Variants in CEP112 observed in about 807,000 individuals in gnomAD.
The protein encoded by CEP112 is centrosomal protein 112.
In CEP112, 127 loss-of-function variants were observed where a neutral mutation model predicts 153.0. The observed-to-expected ratio is 0.83, with a 90% confidence interval of 0.72 to 0.96. The LOEUF (loss-of-function observed/expected upper bound fraction) is 0.96, where lower values mean the gene tolerates loss of function less well. Ranked by LOEUF, CEP112 falls within the 40% of genes least tolerant of loss-of-function variation. The pLI is 0.00. For synonymous variants in CEP112, 358 were observed against 374.4 expected, an observed-to-expected ratio of 0.96 and a Z score of 0.51; for missense variants, 1,089 against 1,101.2, an observed-to-expected ratio of 0.99 and a Z score of 0.16.
intron 19 of CEP112, among the ~76,000 whole-genome samples, chr17:65,910,755 T>C (rs1410137696): frequency 6.6e-6 from 1 of 152,168 alleles, no homozygotes; most frequent in African/African-American, 2.4e-5. Context: ...AAAATCCATG[T>C]AAACACAGAC....
At chr17:65,995,873 G>A (rs1281863862) in intron 17 of CEP112, among the ~76,000 whole-genome samples, 1 of 152,070 alleles carries the variant, frequency 6.6e-6, no homozygotes. Context: ...TGGTTTACAA[G>A]GGAAAACTCC....
intron 16 of CEP112, among the ~76,000 whole-genome samples, chr17:66,020,632 A>G (rs935328611): frequency 6.6e-6 from 1 of 152,234 alleles, no homozygotes; most frequent in Non-Finnish European, 1.5e-5. Context: ...AATAGTTTAA[A>G]GGTTAACTTT....
At chr17:65,786,572 CTT>C (rs1195368604) in intron 21 of CEP112, among the ~76,000 whole-genome samples, 12 of 101,608 alleles carry the variant, frequency 1.2e-4, no homozygotes, top group South Asian at 3.4e-4. Context: ...TTAGCCAATT[CTT>C]TTTTTTTTTT....
chr17:65,694,266 A>G (rs2048258457), intron 23 of CEP112, among the ~76,000 whole-genome samples: 1 of 152,198 alleles, frequency 6.6e-6, no homozygotes, highest in Admixed American at 6.5e-5. Context: ...ATCTGGTGGA[A>G]GTCCAGATAG....
intron 11 of CEP112, among the ~76,000 whole-genome samples, chr17:66,054,255 A>G (rs1415529654): frequency 6.6e-6 from 1 of 152,176 alleles, no homozygotes; most frequent in Non-Finnish European, 1.5e-5. Context: ...ATATTGTCCC[A>G]TTGTCCCCAT....
At chr17:65,866,329 C>T (rs186588147) in intron 20 of CEP112, among the ~76,000 whole-genome samples, 3 of 152,362 alleles carry the variant, frequency 2.0e-5, no homozygotes, top group Non-Finnish European at 2.9e-5. Context: ...CCCCTCCAGA[C>T]TTTGGGCACC....
chr17:65,937,536 C>T (rs1337105447), intron 18 of CEP112, among the ~76,000 whole-genome samples: 10 of 120,290 alleles, frequency 8.3e-5, no homozygotes, highest in South Asian at 3.6e-4. Context: ...AGCCCCTCTG[C>T]CCGGCCAGCC....
chr17:65,685,200 G>A (rs1387516874), intron 24 of CEP112, among the ~76,000 whole-genome samples: 3 of 152,158 alleles, frequency 2.0e-5, no homozygotes, highest in African/African-American at 7.2e-5. Flanking sequence ...GTGGTGGACA[G>A]CAAAGATGCC....
chr17:66,129,947 TA>T, intron 5 of CEP112, 124 bp from the exon 6 acceptor site: 1 of 400,764 alleles, frequency 2.5e-6, no homozygotes, highest in Non-Finnish European at 4.2e-6. Context: ...AGGAAGGAAG[TA>T]AAAAAGGAAA....
rs941641746 is a variant in CEP112 at position 65,762,074 on chromosome 17, G to A, written c.2395-11350C>T. Among the ~76,000 whole-genome samples, 6 of 151,982 alleles carry A rather than the reference G, an allele frequency of 3.9e-5. No individual in the cohort carries two copies. In the East Asian group the frequency reaches 9.6e-4, roughly 24 times the overall value. On this transcript the variant is annotated intron_variant, in intron 21 of 26. Coordinates refer to ENST00000535342, the MANE Select transcript of CEP112 (RefSeq NM_001199165.4). ...TGCCTCACATAGTTTTTGTTTGTTC[G>A]TTTTTGGTTTTTTTGCCTCACGTAT...
At chr17:66,016,388 A>G (rs948730060) in intron 16 of CEP112, among the ~76,000 whole-genome samples, 3 of 152,134 alleles carry the variant, frequency 2.0e-5, no homozygotes, top group African/African-American at 7.2e-5. Context: ...CAGGGGCTGT[A>G]ACTGTGCTTC....
At position 65,892,271 on chromosome 17, in the gene CEP112, C is replaced by T. The variant is rs76278549; in HGVS notation, c.2163+9881G>A. ...TGAAGTTGAAAAAAGTTAATGTCTG[C>T]CTCATTTTTGGCCAGCAAACTTACA... On this transcript the variant is annotated intron_variant, in intron 20 of 26. Coordinates refer to ENST00000535342, the MANE Select transcript of CEP112 (RefSeq NM_001199165.4). Among the ~76,000 whole-genome samples the T allele has an allele frequency of 2.7e-3, 406 of 152,226 alleles. 2 individuals carry two copies. The highest frequency in any genetic ancestry group is 9.3e-3 in the African/African-American group (387 of 41,534).
intron 16 of CEP112, among the ~76,000 whole-genome samples, chr17:66,020,850 C>A (rs895552778): frequency 1.3e-5 from 2 of 152,048 alleles, no homozygotes; most frequent in Non-Finnish European, 2.9e-5. Context: ...GGACCAGAGG[C>A]CTTTCCAACG....
intron 12 of CEP112, among the ~76,000 whole-genome samples, chr17:66,033,020 C>T (rs754623059): frequency 6.7e-5 from 9 of 134,246 alleles, no homozygotes; most frequent in East Asian, 2.0e-4. Flanking sequence ...TAATCTGGCA[C>T]GAAAAAGAAG....
intron 23 of CEP112, among the ~76,000 whole-genome samples, chr17:65,704,427 A>ACG (rs1555622719): frequency 7.0e-6 from 1 of 141,924 alleles, no homozygotes. Context: ...AAATACACAC[A>ACG]CACACACACA....
intron 8 of CEP112, among the ~76,000 whole-genome samples, chr17:66,092,199 C>A (rs1266511098): frequency 6.6e-6 from 1 of 151,738 alleles, no homozygotes; most frequent in Non-Finnish European, 1.5e-5. Context: ...ACCACCACAC[C>A]CAACTAATTT....
At chr17:65,897,277 G>T (rs555003212) in intron 20 of CEP112, among the ~76,000 whole-genome samples, 1 of 152,158 alleles carries the variant, frequency 6.6e-6, no homozygotes, top group East Asian at 1.9e-4. Flanking sequence ...TACTACCTCA[G>T]GACCAAGCAA....
chr17:66,135,616 G>A (rs990102063), intron 4 of CEP112, among the ~76,000 whole-genome samples: 8 of 151,986 alleles, frequency 5.3e-5, no homozygotes, highest in Non-Finnish European at 7.4e-5. Flanking sequence ...AAACCAACAT[G>A]GAAAGAAAAA....
intron 16 of CEP112, 85 bp downstream of exon 16, chr17:66,027,416 G>A: frequency 2.5e-6 from 3 of 1,179,870 alleles, no homozygotes; most frequent in Non-Finnish European, 3.3e-6. Flanking sequence ...TTAAAGGTGA[G>A]AATGTATGGT....
Sources: gnomAD v4.1 joint callset for allele counts (sites outside exome capture counted in the v4.1 genomes callset) on GRCh38, gnomAD v4.1.1 for gene constraint, MANE v1.5 for transcripts, NCBI Gene and HGNC (gene_info 2026-07-23, HGNC 2026-07-21) for gene names.